XPR1: variants seen among roughly 807,000 people sequenced by gnomAD.
XPR1 encodes xenotropic and polytropic retrovirus receptor 1, also known as solute carrier family 53 member 1.
XPR1 carries 28 observed loss-of-function variants against 87.5 expected under a neutral mutation model. That is an observed-to-expected ratio of 0.32 (90% confidence interval 0.24 to 0.44). The LOEUF is 0.44. Among genes scored for constraint, XPR1 ranks in the 20% least tolerant of loss-of-function variants. XPR1 has a pLI of 1.00. For missense variants in XPR1, 559 were observed against 862.3 expected, an observed-to-expected ratio of 0.65 and a Z score of 4.41; for synonymous variants, 300 against 306.1, an observed-to-expected ratio of 0.98 and a Z score of 0.21.
At chr1:180,793,792 T>C (rs1649471470) in intron 3 of XPR1, among the ~76,000 whole-genome samples, 1 of 152,104 alleles carries the variant, frequency 6.6e-6, no homozygotes, top group African/African-American at 2.4e-5. Context: ...AAAAAAAGTG[T>C]TTTATAAGCA....
intron 9 of XPR1, among the ~76,000 whole-genome samples, chr1:180,828,833 C>T (rs947929055): frequency 6.6e-6 from 1 of 152,090 alleles, no homozygotes; most frequent in Non-Finnish European, 1.5e-5. Flanking sequence ...ACATTTAACA[C>T]TTAGCCCTAT....
At chr1:180,674,187 C>A (rs1277260694) in intron 1 of XPR1, among the ~76,000 whole-genome samples, 1 of 152,198 alleles carries the variant, frequency 6.6e-6, no homozygotes, top group Admixed American at 6.5e-5. Flanking sequence ...TCCTGTTTTA[C>A]AGATGAGGGT....
chr1:180,785,316 C>T (rs567271709), intron 2 of XPR1, among the ~76,000 whole-genome samples: 1 of 152,002 alleles, frequency 6.6e-6, no homozygotes, highest in East Asian at 1.9e-4. Flanking sequence ...CCATGCCCAA[C>T]TAATTTTTGT....
chr1:180,706,790 T>G (rs563838166), intron 2 of XPR1, among the ~76,000 whole-genome samples: 28 of 152,034 alleles, frequency 1.8e-4, no homozygotes, highest in Non-Finnish European at 3.4e-4. Flanking sequence ...TTTTTTTATT[T>G]TTTATTTTTA....
intron 6 of XPR1, among the ~76,000 whole-genome samples, chr1:180,809,367 G>C: frequency 6.6e-6 from 1 of 152,100 alleles, no homozygotes; most frequent in East Asian, 1.9e-4. Context: ...AGACGTTTAT[G>C]CAGTTTCAAA....
intron 2 of XPR1, among the ~76,000 whole-genome samples, chr1:180,688,213 C>T (rs183616301): frequency 2.5e-4 from 37 of 150,840 alleles, no homozygotes; most frequent in African/African-American, 7.8e-4. Context: ...CCACCATGCC[C>T]GACTAATTTT....
intron 2 of XPR1, among the ~76,000 whole-genome samples, chr1:180,746,595 G>T (rs1243911039): frequency 3.3e-5 from 5 of 151,390 alleles, no homozygotes; most frequent in Non-Finnish European, 4.4e-5. Flanking sequence ...GTTTTTTTTT[G>T]ATATAATGAC....
chr1:180,739,527 C>T (rs1658849799), intron 2 of XPR1, among the ~76,000 whole-genome samples: 1 of 152,150 alleles, frequency 6.6e-6, no homozygotes, highest in Admixed American at 6.5e-5. Flanking sequence ...GGAGAATTGA[C>T]ATCTTTACTG....
intron 11 of XPR1, among the ~76,000 whole-genome samples, chr1:180,843,947 T>C (rs1651597076): frequency 6.6e-6 from 1 of 152,198 alleles, no homozygotes; most frequent in Non-Finnish European, 1.5e-5. Context: ...GCACAGTAGC[T>C]CACACCTGTA....
chr1:180,815,248 G>T (rs1650365909), intron 7 of XPR1, among the ~76,000 whole-genome samples: 1 of 151,248 alleles, frequency 6.6e-6, no homozygotes, highest in Non-Finnish European at 1.5e-5. Context: ...ACAATTTGAG[G>T]GTTTTTTTGT....
chr1:180,758,114 T>TACACACACACACAC (rs71121050), intron 2 of XPR1, among the ~76,000 whole-genome samples: 6,592 of 141,010 alleles, frequency 0.047, 191 homozygotes, highest in Non-Finnish European at 0.06. Context: ...TATAGAAGGA[T>TACACACACACACAC]ACACACACAC....
chr1:180,634,232 G>A (rs1654691187), intron 1 of XPR1, among the ~76,000 whole-genome samples: 1 of 152,152 alleles, frequency 6.6e-6, no homozygotes, highest in Non-Finnish European at 1.5e-5. Flanking sequence ...TCTCAGGGCA[G>A]TTATAAATTA....
At chr1:180,789,590 TCC>T (rs1649302359) in intron 3 of XPR1, among the ~76,000 whole-genome samples, 2 of 151,964 alleles carry the variant, frequency 1.3e-5, no homozygotes, top group Non-Finnish European at 1.5e-5. Flanking sequence ...TCTTCTTTTT[TCC>T]TTTTTTTTTG....
chr1:180,669,122 A>C (rs1335482571), intron 1 of XPR1, among the ~76,000 whole-genome samples: 3 of 151,942 alleles, frequency 2.0e-5, no homozygotes, highest in African/African-American at 7.3e-5. Flanking sequence ...ATTGAGGCTT[A>C]ATTTCTGGCC....
chr1:180,750,721 A>G (rs905726986), intron 2 of XPR1, among the ~76,000 whole-genome samples: 1 of 152,036 alleles, frequency 6.6e-6, no homozygotes, highest in African/African-American at 2.4e-5. Context: ...GACTATTTTA[A>G]CTTTTCTTAA....
chr1:180,813,935 T>C (rs1180015762), intron 7 of XPR1, among the ~76,000 whole-genome samples: 1 of 152,196 alleles, frequency 6.6e-6, no homozygotes, highest in Non-Finnish European at 1.5e-5. Context: ...ATCCATAATA[T>C]TCCATTTCAG....
Position 180,764,806 on chromosome 1 carries a change from G to A in XPR1, c.122-22947G>A, listed in dbSNP as rs1427789426. Among the ~76,000 whole-genome samples, 3 of 109,992 alleles carry A rather than the reference G, an allele frequency of 2.7e-5. No individual in the cohort carries two copies. In the East Asian group the frequency reaches 8.3e-4, roughly 31 times the overall value. 72.2% of individuals were successfully genotyped at this position (109,992 alleles called of 152,430 possible). A position where few individuals can be genotyped will look rare whatever the true frequency, so the allele number is the denominator to read the frequency against. The stretch of plus-strand genomic sequence containing the variant: ...TTTTTTTCTTTTTTTTTTTTTTTGA[G>A]ACAGGGTCTTGCTCTGTCGCCTAGG... On this transcript the variant is annotated intron_variant, in intron 2 of 14. Coordinates refer to ENST00000367590, the MANE Select transcript of XPR1 (RefSeq NM_004736.4).
At chr1:180,720,734 G>C (rs1658154324) in intron 2 of XPR1, among the ~76,000 whole-genome samples, 1 of 152,112 alleles carries the variant, frequency 6.6e-6, no homozygotes, top group Non-Finnish European at 1.5e-5. Context: ...GAGGTCTTCA[G>C]GGGATTTGAA....
chr1:180,805,089 G>A (rs1408057445), intron 4 of XPR1, among the ~76,000 whole-genome samples: 1 of 152,156 alleles, frequency 6.6e-6, no homozygotes, highest in African/African-American at 2.4e-5. Context: ...CATCTATTCT[G>A]TAAGAATACA....
Sources: gnomAD v4.1 joint callset for allele counts (sites outside exome capture counted in the v4.1 genomes callset) on GRCh38, gnomAD v4.1.1 for gene constraint, MANE v1.5 for transcripts, NCBI Gene and HGNC (gene_info 2026-07-23, HGNC 2026-07-21) for gene names.